The following CLMP variants were observed in gnomAD, a reference collection of about 807,000 sequenced individuals.
CLMP encodes the protein CXADR-like membrane protein.
CLMP carries 27 observed loss-of-function variants against 45.2 expected under a neutral mutation model. The ratio of observed to expected loss-of-function variants is 0.60; its 90% CI spans 0.44 to 0.82. The LOEUF is 0.82. CLMP is among the 40% of genes least tolerant of loss of function. The pLI, the probability that CLMP is intolerant of heterozygous loss-of-function variation, is 0.00. For missense variants in CLMP, 403 were observed against 448.4 expected (o/e 0.90, Z 0.91); for synonymous variants, 167 against 171.4 (o/e 0.97, Z 0.20).
chr11:123,186,543 T>C lies in CLMP; in HGVS notation c.28+8370A>G, dbSNP rs533586462. On this transcript the variant is annotated intron_variant, in intron 1 of 6. Transcript: ENST00000448775. The stretch of plus-strand genomic sequence containing the variant: ...GAGCTTTTTTTTTTTTTTGAGATGG[T>C]GTCTCACTCTGTCACCCAGAGGCTG... 6.0e-5 allele frequency among the ~76,000 whole-genome samples: 9 copies of C among 150,498 alleles called. No homozygotes were observed. In the East Asian group the frequency reaches 1.8e-3, roughly 30 times the overall value.
intron 4 of CLMP, 96 bp from the exon 5 acceptor site, chr11:123,083,303 G>A (rs3829272): frequency 0.024 from 27,791 of 1,164,918 alleles, 911 homozygotes; most frequent in East Asian, 0.17. Context: ...ATTCCGTAAT[G>A]CTATTTGATA....
At chr11:123,113,388 T>C (rs948642696) in intron 1 of CLMP, among the ~76,000 whole-genome samples, 2 of 152,186 alleles carry the variant, frequency 1.3e-5, no homozygotes, top group Non-Finnish European at 2.9e-5. Flanking sequence ...ATCGTCAGTA[T>C]TGTGTAAGAG....
At chr11:123,103,280 A>G (rs1030761235) in intron 1 of CLMP, among the ~76,000 whole-genome samples, 5 of 152,210 alleles carry the variant, frequency 3.3e-5, no homozygotes, top group African/African-American at 9.6e-5. Context: ...AAAATGCTCA[A>G]ATGAAACCAG....
chr11:123,107,615 T>C (rs1591460887), intron 1 of CLMP, among the ~76,000 whole-genome samples: 2 of 148,778 alleles, frequency 1.3e-5, no homozygotes, highest in African/African-American at 5.0e-5. Context: ...CAAGCAGTCC[T>C]CCCGCCTCGG....
At chr11:123,144,551 G>A (rs1861210978) in intron 1 of CLMP, among the ~76,000 whole-genome samples, 1 of 152,070 alleles carries the variant, frequency 6.6e-6, no homozygotes, top group South Asian at 2.1e-4. Context: ...TGTATTTTTA[G>A]TAGAGACGAA....
chr11:123,105,553 C>T (rs1288625354), intron 1 of CLMP, among the ~76,000 whole-genome samples: 4 of 151,902 alleles, frequency 2.6e-5, no homozygotes, highest in South Asian at 2.1e-4. Flanking sequence ...GCCTCAGCCA[C>T]GTGAATAGCT....
intron 1 of CLMP, among the ~76,000 whole-genome samples, chr11:123,183,922 C>A (rs146191563): frequency 2.0e-3 from 300 of 152,174 alleles, no homozygotes; most frequent in Middle Eastern, 0.017. Context: ...AGCCAGAAGA[C>A]CTGGCTTCGA....
At position 123,082,612 on chromosome 11, in the gene CLMP, T is replaced by G. The variant is rs576785357; in HGVS notation, c.679+473A>C. 3.5e-5 allele frequency among the ~76,000 whole-genome samples: 5 copies of G among 141,674 alleles called. No individual in the cohort carries two copies. The East Asian group carries it at 1.1e-3, about 31-fold the overall frequency. 92.9% of individuals were successfully genotyped at this position (141,674 alleles called of 152,430 possible). A position where few individuals can be genotyped will look rare whatever the true frequency, so the allele number is the denominator to read the frequency against. The stretch of plus-strand genomic sequence containing the variant: ...CGCCACGCTGGGCTGGTTTTTTTTG[T>G]GTGTGTTTTTTTTTTTGAGAGGGAG... On this transcript the variant is annotated intron_variant, in intron 5 of 6. Transcript: ENST00000448775.
At chr11:123,136,243 G>A (rs939176232) in intron 1 of CLMP, 6 of 651,424 alleles carry the variant, frequency 9.2e-6, no homozygotes, top group East Asian at 3.6e-5. Flanking sequence ...TAGCTACTGC[G>A]TATTTTTCCA....
chr11:123,118,050 G>T (rs1860740715), intron 1 of CLMP, among the ~76,000 whole-genome samples: 1 of 150,518 alleles, frequency 6.6e-6, no homozygotes, highest in African/African-American at 2.4e-5. Context: ...CTGACCATAT[G>T]CATCATACCA....
Position 123,083,703 on chromosome 11 carries a change from C to T in CLMP, c.533G>A (p.Arg178His), listed in dbSNP as rs772872197. ...ACCAATCCTAGATTTGGGAGGCAGA[C>T]GTTCATCCTCTCCCTCTTTCTCTCG... Reference protein sequence around the residue: ...RIREKEGEDERLPPKSRIDYN... With the variant: ...RIREKEGEDEHLPPKSRIDYN... Residue 178 changes from arginine (R) to histidine (H), a missense_variant, in exon 4 of 7, where the codon CGT (arginine) becomes CAT (histidine). Coordinates refer to ENST00000448775, the MANE Select transcript of CLMP (RefSeq NM_024769.5). 7.4e-6 allele frequency: 12 copies of T among 1,613,888 alleles called. No individual in the cohort carries two copies. The Admixed American group carries it at 1.2e-4, about 16-fold the overall frequency.
At chr11:123,167,437 C>T (rs931305427) in intron 1 of CLMP, among the ~76,000 whole-genome samples, 2 of 152,126 alleles carry the variant, frequency 1.3e-5, no homozygotes, top group Non-Finnish European at 2.9e-5. Flanking sequence ...AGGCGCCCAC[C>T]ACCACGCCTG....
intron 1 of CLMP, among the ~76,000 whole-genome samples, chr11:123,117,172 C>T (rs972394785): frequency 2.6e-5 from 4 of 152,084 alleles, no homozygotes; most frequent in African/African-American, 9.7e-5. Context: ...TCTGATAATA[C>T]TCTGAAAATT....
At chr11:123,185,577 C>A (rs116500034) in intron 1 of CLMP, among the ~76,000 whole-genome samples, 90 of 152,256 alleles carry the variant, frequency 5.9e-4, no homozygotes, top group African/African-American at 2.0e-3. Flanking sequence ...GGGGATGGAG[C>A]GGAGGCAAGG....
At position 123,083,146 on chromosome 11, in the gene CLMP, G is replaced by T; in HGVS notation, c.618C>A (p.Tyr206Ter). The T allele has an allele frequency of 6.2e-7, 1 of 1,614,022 alleles. No homozygotes were observed. The highest frequency in any genetic ancestry group is 8.5e-7 in the Non-Finnish European group (1 of 1,179,908). Residue 206 changes from tyrosine (Y) to a stop codon, truncating the protein, a stop_gained, in exon 5 of 7, where the codon TAC becomes TAA. Transcript: ENST00000448775. LOFTEE classifies it high-confidence loss of function. ...QNLTMSYSGLYQCTAGNEAGK... is the reference protein window; with the variant it reads ...QNLTMSYSGL ...CAGCTTCGTTGCCTGCTGTGCACTG[G>T]TACAGTCCAGAGTAGGACATGGTAA...
chr11:123,100,469 G>A (rs192037903), intron 1 of CLMP, among the ~76,000 whole-genome samples: 1 of 152,168 alleles, frequency 6.6e-6, no homozygotes, highest in African/African-American at 2.4e-5. Context: ...GAAGCCAGGA[G>A]TACGATGTGT....
intron 1 of CLMP, among the ~76,000 whole-genome samples, chr11:123,138,973 A>G (rs2135515278): frequency 6.6e-6 from 1 of 152,178 alleles, no homozygotes; most frequent in African/African-American, 2.4e-5. Flanking sequence ...ACATTTTTAA[A>G]TGGGTGAAAA....
intron 1 of CLMP, among the ~76,000 whole-genome samples, chr11:123,160,719 T>C (rs1200993114): frequency 6.6e-6 from 1 of 152,132 alleles, no homozygotes; most frequent in African/African-American, 2.4e-5. Flanking sequence ...GACTCAAGCC[T>C]GTAATCCCAG....
intron 2 of CLMP, among the ~76,000 whole-genome samples, chr11:123,086,946 C>T (rs1371111768): frequency 1.3e-5 from 2 of 152,116 alleles, no homozygotes; most frequent in Non-Finnish European, 2.9e-5. Flanking sequence ...GTAATCCCAG[C>T]ATTTTGGGAC....
Sources: allele counts gnomAD v4.1 joint callset (sites outside exome capture counted in the v4.1 genomes callset), GRCh38; gene constraint gnomAD v4.1.1; transcripts MANE v1.5; gene names NCBI Gene and HGNC (gene_info 2026-07-23, HGNC 2026-07-21).